Variants in SVIL observed in about 807,000 individuals in gnomAD.
SVIL encodes supervillin.
A neutral mutation model predicts 240.4 loss-of-function variants in SVIL; 101 were observed. The observed-to-expected ratio is 0.42, with a 90% CI of 0.36 to 0.50. SVIL has a LOEUF of 0.50. SVIL is among the 20% of genes least tolerant of loss of function. The pLI is 0.01. For synonymous variants in SVIL, 999 were observed against 1,100.0 expected, an observed-to-expected ratio of 0.91 and a Z score of 1.82; for missense variants, 2,512 against 2,818.7, an observed-to-expected ratio of 0.89 and a Z score of 2.46.
chr10:29,506,635 A>G (rs150741575), intron 17 of SVIL, among the ~76,000 whole-genome samples: 4,411 of 134,838 alleles, frequency 0.033, 237 homozygotes, highest in African/African-American at 0.11. Flanking sequence ...CAGAGGCCCT[A>G]GAGGGAGGGG....
rs142300209 is a variant in SVIL at position 29,510,340 on chromosome 10, C to T, written c.3516+2395G>A. 4.6e-5 allele frequency among the ~76,000 whole-genome samples: 7 copies of T among 152,264 alleles called. No individual in the cohort carries two copies. In the South Asian group the frequency reaches 6.2e-4, roughly 14 times the overall value. Reference sequence around the variant, plus strand: ...CCTTTATCGTACTTTTTTAATGTGACTCCAAGGAAATTTCAAAATGACCTG... The same window carrying T: ...CCTTTATCGTACTTTTTTAATGTGATTCCAAGGAAATTTCAAAATGACCTG... On this transcript the variant is annotated intron_variant, in intron 17 of 37. Coordinates refer to ENST00000355867, the MANE Select transcript of SVIL (RefSeq NM_021738.3).
intron 3 of SVIL, among the ~76,000 whole-genome samples, chr10:29,555,530 G>GTA (rs1364855252): frequency 6.6e-6 from 1 of 152,060 alleles, no homozygotes; most frequent in Non-Finnish European, 1.5e-5. Flanking sequence ...ATGTTTTGTT[G>GTA]TATATATATT....
At chr10:29,659,265 GC>G (rs950234219) in intron 2 of SVIL, among the ~76,000 whole-genome samples, 2 of 152,172 alleles carry the variant, frequency 1.3e-5, no homozygotes, top group African/African-American at 4.8e-5. Context: ...ACAGAGGAAA[GC>G]CCCTCGTTTA....
In SVIL at chr10:29,458,436, C is replaced by T. The variant is rs776611574; in HGVS notation, c.6556G>A (p.Glu2186Lys). 6.5e-5 allele frequency: 103 copies of T among 1,585,962 alleles called. No homozygotes were observed. Among genetic ancestry groups the T allele is most frequent in the Non-Finnish European group, 7.6e-5 (88 of 1,164,260 alleles). The change falls in exon 37 of 38, where the codon GAG (glutamate) becomes AAG (lysine). Residue 2186 changes from glutamate to lysine, a missense_variant and splice_region_variant. This residue lies in a region of SVIL where 797 missense variants were observed against 925.3 expected (regional missense o/e 0.86). Transcript: ENST00000355867. ...ACCCCACCGGAAGAACCGCTTACCT[C>T]GAAGTCTTCGTCGGTGAGATAGATC... ...LEIYLTDEDF[E>K]FALDMTRDEY... is the part of the protein sequence containing the mutation.
intron 1 of SVIL, chr10:29,602,488 C>A: frequency 4.1e-6 from 1 of 241,854 alleles, no homozygotes; most frequent in South Asian, 4.5e-5. Context: ...TGTTCACTGC[C>A]AGAATGATTT....
chr10:29,533,483 G>T (rs1951525647), intron 7 of SVIL, 25 bp from the exon 8 acceptor site: 1 of 1,598,522 alleles, frequency 6.3e-7, no homozygotes, highest in Non-Finnish European at 8.5e-7. Flanking sequence ...AAGGATTTAA[G>T]TTGCAAAGTG....
At chr10:29,500,410 C>T (rs1242611576) in intron 17 of SVIL, among the ~76,000 whole-genome samples, 10 of 152,108 alleles carry the variant, frequency 6.6e-5, no homozygotes, top group South Asian at 2.1e-4. Context: ...AAGGTGCCCC[C>T]TCCAGAGCAG....
intron 2 of SVIL, among the ~76,000 whole-genome samples, chr10:29,679,350 G>C (rs1052003707): frequency 3.3e-5 from 5 of 152,176 alleles, no homozygotes; most frequent in African/African-American, 1.2e-4. Context: ...AGAAGAGAAG[G>C]TGCAGGTAAT....
At chr10:29,646,958 C>T (rs1331856238) in intron 3 of SVIL, among the ~76,000 whole-genome samples, 5 of 152,170 alleles carry the variant, frequency 3.3e-5, no homozygotes, top group Non-Finnish European at 7.3e-5. Context: ...ATCCGTTCCA[C>T]CTTCTGACTG....
intron 1 of SVIL, among the ~76,000 whole-genome samples, chr10:29,730,069 T>C (rs1347633038): frequency 6.6e-6 from 1 of 151,878 alleles, no homozygotes; most frequent in African/African-American, 2.4e-5. Context: ...TCCCAGCTAC[T>C]TGGGAGGCTG....
chr10:29,492,065 G>A (rs777685317), intron 21 of SVIL, among the ~76,000 whole-genome samples: 6 of 152,302 alleles, frequency 3.9e-5, no homozygotes, highest in East Asian at 1.9e-4. Flanking sequence ...GTGGATTGCC[G>A]TGGGTGGAGC....
intron 6 of SVIL, among the ~76,000 whole-genome samples, chr10:29,538,853 C>T (rs970857513): frequency 6.6e-6 from 1 of 152,126 alleles, no homozygotes; most frequent in South Asian, 2.1e-4. Flanking sequence ...AAAATAAATA[C>T]AAATGTATGT....
chr10:29,579,679 C>T (rs12771815), intron 1 of SVIL, among the ~76,000 whole-genome samples: 11,059 of 152,148 alleles, frequency 0.073, 455 homozygotes, highest in Admixed American at 0.12. Context: ...GGGAGTCAGA[C>T]GCTGTCACTT....
intron 6 of SVIL, among the ~76,000 whole-genome samples, chr10:29,542,702 A>G (rs1446507858): frequency 6.6e-6 from 1 of 152,164 alleles, no homozygotes; most frequent in African/African-American, 2.4e-5. Flanking sequence ...AGTTATTTTA[A>G]AATGCACGAT....
chr10:29,670,723 G>A (rs904265395), intron 2 of SVIL, among the ~76,000 whole-genome samples: 12 of 152,144 alleles, frequency 7.9e-5, no homozygotes, highest in Admixed American at 3.3e-4. Flanking sequence ...AATGTAAAAC[G>A]GTATGGAATT....
chr10:29,536,740 T>C (rs188844969), intron 6 of SVIL, among the ~76,000 whole-genome samples: 31 of 151,958 alleles, frequency 2.0e-4, no homozygotes, highest in Admixed American at 3.3e-4. Context: ...TGAAACCCCA[T>C]CTCTACTAAA....
At chr10:29,468,192 G>T (rs2132297627) in intron 32 of SVIL, among the ~76,000 whole-genome samples, 1 of 152,210 alleles carries the variant, frequency 6.6e-6, no homozygotes, top group East Asian at 1.9e-4. Flanking sequence ...GCCTGTTTTG[G>T]ACATTTCATA....
At chr10:29,511,636 A>G (rs1008532526) in intron 17 of SVIL, among the ~76,000 whole-genome samples, 65 of 152,256 alleles carry the variant, frequency 4.3e-4, no homozygotes, top group African/African-American at 1.5e-3. Flanking sequence ...ATGCACATGC[A>G]TATACTTTCT....
chr10:29,702,712 C>T lies in SVIL; in HGVS notation c.-399-16061G>A, dbSNP rs558315333. Among the ~76,000 whole-genome samples, 4 of 152,286 alleles carry T rather than the reference C, an allele frequency of 2.6e-5. No homozygotes were observed. The South Asian group carries it at 6.2e-4, about 24-fold the overall frequency. ...CAAGCACAGCTCACAGACCTTTGAC[C>T]TTTGATGACTTTGAATTATCTGTGG... On this transcript the variant is annotated intron_variant, in intron 1 of 35. Transcript: ENST00000375400.
Sources: allele counts gnomAD v4.1 joint callset (sites outside exome capture counted in the v4.1 genomes callset), GRCh38; gene constraint gnomAD v4.1.1; regional missense constraint gnomAD v4.1.1; transcripts MANE v1.5; gene names NCBI Gene and HGNC (gene_info 2026-07-23, HGNC 2026-07-21).